The following ZBTB20 variants were observed in gnomAD, a reference collection of about 807,000 sequenced individuals.
ZBTB20 encodes the protein zinc finger and BTB domain containing 20.
Under a neutral mutation model 56.9 loss-of-function variants are expected in ZBTB20, and 9 were observed. That is an observed-to-expected ratio of 0.16 (90% CI 0.10 to 0.28). The LOEUF (loss-of-function observed/expected upper bound fraction) is 0.28. Ranked by LOEUF, ZBTB20 falls within the 10% of genes least tolerant of loss-of-function variation. The probability of loss-of-function intolerance (pLI) is 1.00; values close to 1 mark genes in which losing one functional copy is unlikely to be tolerated. For synonymous variants in ZBTB20, 417 were observed against 420.7 expected (o/e 0.99, Z 0.11); for missense variants, 655 against 1,003.0 (o/e 0.65, Z 4.69).
In ZBTB20 at chr3:114,416,326, TA is replaced by T. The variant is rs35964942; in HGVS notation, c.-254-27222del. Among the ~76,000 whole-genome samples the T allele has an allele frequency of 5.1e-3, 737 of 145,494 alleles. 6 individuals carry two copies. Among genetic ancestry groups the T allele is most frequent in the African/African-American group, 0.015 (585 of 39,340 alleles). On this transcript the variant is annotated intron_variant, in intron 7 of 11. Coordinates refer to ENST00000675478, the MANE Select transcript of ZBTB20 (RefSeq NM_001348800.3). ...ATAATTTCAATTCCTTAGCAATACT[TA>T]AAAAAAAAAAAAAAAACAACTAACT...
At chr3:114,892,752 A>G (rs2107636444) in intron 4 of ZBTB20, among the ~76,000 whole-genome samples, 1 of 152,290 alleles carries the variant, frequency 6.6e-6, no homozygotes, top group South Asian at 2.1e-4. Context: ...GTCCCAGGAC[A>G]TCAAACTAGT....
At chr3:114,706,439 G>A (rs1479510848) in intron 5 of ZBTB20, among the ~76,000 whole-genome samples, 1 of 152,060 alleles carries the variant, frequency 6.6e-6, no homozygotes. Flanking sequence ...GTGATCACAT[G>A]TGTTCCATGT....
At chr3:114,431,056 C>T (rs1235836091) in intron 7 of ZBTB20, among the ~76,000 whole-genome samples, 2 of 150,432 alleles carry the variant, frequency 1.3e-5, no homozygotes, top group Non-Finnish European at 1.5e-5. Flanking sequence ...CTGTGCCCCT[C>T]CATCCACACA....
chr3:115,037,453 T>G (rs1407240611), intron 2 of ZBTB20, among the ~76,000 whole-genome samples: 1 of 152,088 alleles, frequency 6.6e-6, no homozygotes, highest in African/African-American at 2.4e-5. Flanking sequence ...CCAGCTCAAT[T>G]TTTGGATTTT....
intron 6 of ZBTB20, among the ~76,000 whole-genome samples, chr3:114,626,407 C>T (rs540439581): frequency 1.3e-5 from 2 of 152,288 alleles, no homozygotes; most frequent in South Asian, 4.1e-4. Context: ...GTACCTGTCA[C>T]ATGGTGAACA....
chr3:115,006,460 GAT>G (rs142153634), intron 2 of ZBTB20, among the ~76,000 whole-genome samples: 170 of 143,830 alleles, frequency 1.2e-3, no homozygotes, highest in Admixed American at 1.3e-3. Context: ...TATCCAGTTG[GAT>G]ATATATATAT....
chr3:114,809,353 T>C (rs146932733), intron 4 of ZBTB20, among the ~76,000 whole-genome samples: 35 of 152,272 alleles, frequency 2.3e-4, no homozygotes, highest in African/African-American at 8.2e-4. Flanking sequence ...GAAGCTCTGC[T>C]CATTTTTTCA....
intron 1 of ZBTB20, among the ~76,000 whole-genome samples, chr3:115,117,891 T>C (rs1382740396): frequency 6.6e-6 from 1 of 152,152 alleles, no homozygotes; most frequent in Non-Finnish European, 1.5e-5. Flanking sequence ...TCTTAATTAT[T>C]CATGGGCCAT....
At chr3:114,471,671 C>T (rs1000359793) in intron 7 of ZBTB20, among the ~76,000 whole-genome samples, 2 of 152,042 alleles carry the variant, frequency 1.3e-5, no homozygotes, top group Admixed American at 6.6e-5. Flanking sequence ...CATGTTTTTC[C>T]TTTACAAATG....
chr3:114,670,591 C>A (rs1241051156), intron 6 of ZBTB20, among the ~76,000 whole-genome samples: 1 of 151,998 alleles, frequency 6.6e-6, no homozygotes, highest in Non-Finnish European at 1.5e-5. Flanking sequence ...GAGACCACCA[C>A]TAAAATTTAT....
intron 2 of ZBTB20, among the ~76,000 whole-genome samples, chr3:115,015,419 A>T (rs1000510262): frequency 6.6e-6 from 1 of 151,726 alleles, no homozygotes; most frequent in African/African-American, 2.4e-5. Context: ...TCACCTAGGT[A>T]TTAAACCCAG....
chr3:114,633,185 T>A (rs1458957868), intron 6 of ZBTB20, among the ~76,000 whole-genome samples: 2 of 152,166 alleles, frequency 1.3e-5, no homozygotes, highest in African/African-American at 4.8e-5. Flanking sequence ...GATGCAAAGT[T>A]TCCAAGGTGG....
chr3:114,354,010 C>T (rs565182224), intron 10 of ZBTB20, among the ~76,000 whole-genome samples: 39 of 152,290 alleles, frequency 2.6e-4, no homozygotes, highest in Non-Finnish European at 4.6e-4. Flanking sequence ...TAGGGATCCA[C>T]GGCTCTGTTG....
At chr3:114,403,268 A>G (rs937123157) in intron 7 of ZBTB20, among the ~76,000 whole-genome samples, 3 of 152,164 alleles carry the variant, frequency 2.0e-5, no homozygotes, top group African/African-American at 4.8e-5. Context: ...CCAGACTCTC[A>G]CCATGTTCTT....
At chr3:115,008,319 G>A (rs2079558595) in intron 2 of ZBTB20, among the ~76,000 whole-genome samples, 1 of 151,866 alleles carries the variant, frequency 6.6e-6, no homozygotes, top group Non-Finnish European at 1.5e-5. Context: ...GAAGAACCTT[G>A]AGTTCAAGCC....
At chr3:114,882,290 T>C (rs2076428407) in intron 4 of ZBTB20, among the ~76,000 whole-genome samples, 1 of 152,000 alleles carries the variant, frequency 6.6e-6, no homozygotes, top group South Asian at 2.1e-4. Flanking sequence ...TAGGAAAAAT[T>C]TGCTAAAGCC....
At chr3:114,521,803 C>T (rs1397423494) in intron 6 of ZBTB20, among the ~76,000 whole-genome samples, 2 of 152,270 alleles carry the variant, frequency 1.3e-5, no homozygotes, top group East Asian at 1.9e-4. Flanking sequence ...ATAAAGCACT[C>T]TTACTTTCAA....
chr3:114,949,552 G>A (rs1318215347), intron 3 of ZBTB20, among the ~76,000 whole-genome samples: 1 of 146,094 alleles, frequency 6.8e-6, no homozygotes, highest in Non-Finnish European at 1.5e-5. Flanking sequence ...CAGATCACCT[G>A]AGGTCGGGAG....
intron 7 of ZBTB20, among the ~76,000 whole-genome samples, chr3:114,391,646 G>A (rs534608830): frequency 3.3e-5 from 5 of 152,164 alleles, no homozygotes; most frequent in Non-Finnish European, 5.9e-5. Flanking sequence ...CTTCTTGCAC[G>A]TTAAGTTTGC....
Sources: allele counts gnomAD v4.1 joint callset (sites outside exome capture counted in the v4.1 genomes callset), GRCh38; gene constraint gnomAD v4.1.1; transcripts MANE v1.5; gene names NCBI Gene and HGNC (gene_info 2026-07-23, HGNC 2026-07-21).